The following HS6ST3 variants were observed in gnomAD, a reference collection of about 807,000 sequenced individuals.
HS6ST3 encodes the protein heparan-sulfate 6-O-sulfotransferase 3.
In HS6ST3, 12 loss-of-function variants were observed where a neutral mutation model predicts 36.7. That is an observed-to-expected ratio of 0.33 (90% CI 0.21 to 0.53). The LOEUF (loss-of-function observed/expected upper bound fraction) is 0.53. Among genes scored for constraint, HS6ST3 ranks in the 20% least tolerant of loss-of-function variants. The pLI is 0.95. For missense variants in HS6ST3, 584 were observed against 640.9 expected (o/e 0.91, Z 0.96); for synonymous variants, 240 against 257.5 (o/e 0.93, Z 0.65).
chr13:96,116,896 A>T (rs1020340851), intron 1 of HS6ST3, among the ~76,000 whole-genome samples: 5 of 152,194 alleles, frequency 3.3e-5, no homozygotes, highest in African/African-American at 1.2e-4. Flanking sequence ...AATATGCTTA[A>T]GGAGAGATGA....
chr13:96,164,995 G>C (rs2054153959), intron 1 of HS6ST3, among the ~76,000 whole-genome samples: 1 of 152,038 alleles, frequency 6.6e-6, no homozygotes, highest in African/African-American at 2.4e-5. Flanking sequence ...TTTTATCAAA[G>C]CATGTCATGA....
At chr13:96,679,819 A>G (rs1352698818) in intron 1 of HS6ST3, among the ~76,000 whole-genome samples, 1 of 152,144 alleles carries the variant, frequency 6.6e-6, no homozygotes, top group Non-Finnish European at 1.5e-5. Flanking sequence ...TAAACATTTA[A>G]GGATATGGTA....
At chr13:96,120,763 T>A (rs1298378085) in intron 1 of HS6ST3, among the ~76,000 whole-genome samples, 1 of 152,216 alleles carries the variant, frequency 6.6e-6, no homozygotes, top group Non-Finnish European at 1.5e-5. Context: ...TTTCTGTGTA[T>A]GGAGCTTGGC....
chr13:96,133,458 T>A (rs1226667704), intron 1 of HS6ST3, among the ~76,000 whole-genome samples: 1 of 151,806 alleles, frequency 6.6e-6, no homozygotes, highest in African/African-American at 2.4e-5. Context: ...AGTCTCACTC[T>A]GTTGCCCAGG....
At chr13:96,217,374 G>A (rs1201078840) in intron 1 of HS6ST3, among the ~76,000 whole-genome samples, 1 of 152,160 alleles carries the variant, frequency 6.6e-6, no homozygotes, top group Non-Finnish European at 1.5e-5. Context: ...CTTGGCATGG[G>A]TATAACCCAG....
chr13:96,322,525 C>T (rs887780779), intron 1 of HS6ST3, among the ~76,000 whole-genome samples: 1 of 151,906 alleles, frequency 6.6e-6, no homozygotes, highest in South Asian at 2.1e-4. Context: ...CTAGTGTACT[C>T]TAGCTCGGGT....
chr13:96,762,960 A>G (rs1406791425), intron 1 of HS6ST3, among the ~76,000 whole-genome samples: 1 of 152,188 alleles, frequency 6.6e-6, no homozygotes, highest in Non-Finnish European at 1.5e-5. Flanking sequence ...GAGCAATACA[A>G]TAACATGAAA....
chr13:96,431,252 C>CA (rs2055614240), intron 1 of HS6ST3, among the ~76,000 whole-genome samples: 1 of 137,704 alleles, frequency 7.3e-6, no homozygotes, highest in Admixed American at 7.2e-5. Context: ...ACAACAACAA[C>CA]AACAAATAAA....
chr13:96,710,320 G>A (rs1308274481), intron 1 of HS6ST3, among the ~76,000 whole-genome samples: 3 of 152,278 alleles, frequency 2.0e-5, no homozygotes, highest in East Asian at 1.9e-4. Context: ...CTCATTTGGG[G>A]GCCTGACTCA....
chr13:96,119,240 A>G (rs1372759788), intron 1 of HS6ST3, among the ~76,000 whole-genome samples: 1 of 152,068 alleles, frequency 6.6e-6, no homozygotes, highest in African/African-American at 2.4e-5. Flanking sequence ...TAAATAGTAT[A>G]AATAACATTA....
chr13:96,579,919 A>G (rs2056335473), intron 1 of HS6ST3, among the ~76,000 whole-genome samples: 1 of 152,166 alleles, frequency 6.6e-6, no homozygotes, highest in Non-Finnish European at 1.5e-5. Flanking sequence ...GTGCTGGATA[A>G]TGAACAATAT....
chr13:96,190,707 A>G (rs775909169), intron 1 of HS6ST3, among the ~76,000 whole-genome samples: 5 of 152,210 alleles, frequency 3.3e-5, no homozygotes, highest in Non-Finnish European at 5.9e-5. Context: ...ACAGATAGTG[A>G]GTGAGAATAC....
At chr13:96,152,549 G>A (rs1448741318) in intron 1 of HS6ST3, among the ~76,000 whole-genome samples, 2 of 152,016 alleles carry the variant, frequency 1.3e-5, no homozygotes, top group African/African-American at 4.8e-5. Context: ...GTGTTAGCCA[G>A]GATGGTCTCC....
chr13:96,168,868 A>T (rs573232018), intron 1 of HS6ST3, among the ~76,000 whole-genome samples: 1 of 152,178 alleles, frequency 6.6e-6, no homozygotes, highest in South Asian at 2.1e-4. Context: ...TGCACCCATC[A>T]CCTGAATAGT....
At chr13:96,713,718 C>T (rs1594842908) in intron 1 of HS6ST3, among the ~76,000 whole-genome samples, 1 of 151,782 alleles carries the variant, frequency 6.6e-6, no homozygotes, top group Admixed American at 6.6e-5. Context: ...TCACATAAAG[C>T]CTCAAAAGAG....
chr13:96,458,569 A>C (rs908312282), intron 1 of HS6ST3, among the ~76,000 whole-genome samples: 1 of 151,878 alleles, frequency 6.6e-6, no homozygotes, highest in Non-Finnish European at 1.5e-5. Context: ...TTTCTTTTTT[A>C]ACATTTGGAA....
chr13:96,317,325 A>ATT (rs2054975465), intron 1 of HS6ST3, among the ~76,000 whole-genome samples: 1 of 92,368 alleles, frequency 1.1e-5, no homozygotes. Flanking sequence ...GTAGTATTCC[A>ATT]TTATATATAT....
At chr13:96,401,710 G>A (rs1247175283) in intron 1 of HS6ST3, among the ~76,000 whole-genome samples, 5 of 152,076 alleles carry the variant, frequency 3.3e-5, no homozygotes. Flanking sequence ...AAGTAGCTGG[G>A]ATTACAAGCA....
chr13:96,416,805 T>G (rs1245462753), intron 1 of HS6ST3, among the ~76,000 whole-genome samples: 3 of 149,642 alleles, frequency 2.0e-5, no homozygotes, highest in Non-Finnish European at 4.4e-5. Context: ...CAGGCTAGAG[T>G]GCAGTGGCAC....
Sources: gnomAD v4.1 joint callset for allele counts (sites outside exome capture counted in the v4.1 genomes callset) on GRCh38, gnomAD v4.1.1 for gene constraint, MANE v1.5 for transcripts, NCBI Gene and HGNC (gene_info 2026-07-23, HGNC 2026-07-21) for gene names.